Variants in TCF12 observed in about 807,000 individuals in gnomAD.
TCF12 encodes DNA-binding protein HTF4.
In TCF12, 45 loss-of-function variants were observed where a neutral mutation model predicts 86.0. The ratio of observed to expected loss-of-function variants is 0.52; its 90% CI spans 0.41 to 0.67. TCF12 has a LOEUF of 0.67. TCF12 is among the 30% of genes least tolerant of loss of function. The probability of loss-of-function intolerance (pLI) is 0.00; values close to 1 mark genes in which losing one functional copy is unlikely to be tolerated. For synonymous variants in TCF12, 330 were observed against 299.6 expected (o/e 1.10, Z -1.05); for missense variants, 881 against 859.9 (o/e 1.02, Z -0.31).
chr15:56,966,989 G>A (rs1229818319), intron 3 of TCF12, among the ~76,000 whole-genome samples: 1 of 152,094 alleles, frequency 6.6e-6, no homozygotes, highest in Non-Finnish European at 1.5e-5. Context: ...AGGCATGGTG[G>A]CAGGTGCTTG....
intron 3 of TCF12, among the ~76,000 whole-genome samples, chr15:56,933,150 C>T (rs1186215921): frequency 6.6e-6 from 1 of 151,988 alleles, no homozygotes; most frequent in Non-Finnish European, 1.5e-5. Context: ...ATTATTTCCC[C>T]TTTTTCAAAG....
intron 3 of TCF12, among the ~76,000 whole-genome samples, chr15:56,930,286 G>C (rs2060190580): frequency 6.6e-6 from 1 of 152,202 alleles, no homozygotes; most frequent in African/African-American, 2.4e-5. Context: ...TGTACCTTTG[G>C]AGTGTAAAAA....
At chr15:57,223,653 T>TTTGGTTTTTTTTTG (rs1555400237) in intron 8 of TCF12, among the ~76,000 whole-genome samples, 1 of 135,294 alleles carries the variant, frequency 7.4e-6, no homozygotes, top group Non-Finnish European at 1.6e-5. Flanking sequence ...GTTTTTTTTT[T>TTTGGTTTTTTTTTG]TTTTTTTTTT....
intron 5 of TCF12, among the ~76,000 whole-genome samples, chr15:57,097,904 C>A (rs537944822): frequency 6.6e-6 from 1 of 151,692 alleles, no homozygotes; most frequent in South Asian, 2.1e-4. Flanking sequence ...CCCTGTAATC[C>A]CAGCACTTTG....
rs533698351 is a variant in TCF12 at position 57,103,451 on chromosome 15, C to T, written c.325+11560C>T. 4.6e-5 allele frequency among the ~76,000 whole-genome samples: 7 copies of T among 152,298 alleles called. No homozygotes were observed. In the South Asian group the frequency reaches 1.2e-3, roughly 27 times the overall value. Reference sequence around the variant, plus strand: ...AAACATTAGCCAGATGCAGTGGCACCTGCTGTAGTCCCAGCTACTTTCCAC... The same window carrying T: ...AAACATTAGCCAGATGCAGTGGCACTTGCTGTAGTCCCAGCTACTTTCCAC... On this transcript the variant is annotated intron_variant, in intron 5 of 20. Coordinates refer to ENST00000333725, the MANE Select transcript of TCF12 (RefSeq NM_207037.2).
Position 57,100,781 on chromosome 15 carries a change from G to A in TCF12, c.325+8890G>A, listed in dbSNP as rs538976579. ...CCTCTTTCAAAGTGAAGAATTAGCAGTAGCTTGATTAGTGGTCATGGTATT... is the reference window on the plus strand; with the variant it reads ...CCTCTTTCAAAGTGAAGAATTAGCAATAGCTTGATTAGTGGTCATGGTATT... On this transcript the variant is annotated intron_variant, in intron 5 of 20. Transcript: ENST00000333725. Among the ~76,000 whole-genome samples the A allele has an allele frequency of 7.9e-5, 12 of 152,258 alleles. No homozygotes were observed. In the East Asian group the frequency reaches 1.5e-3, roughly 20 times the overall value.
intron 8 of TCF12, among the ~76,000 whole-genome samples, chr15:57,210,966 T>G (rs7182188): frequency 0.18 from 27,780 of 152,170 alleles, 3,110 homozygotes; most frequent in Non-Finnish European, 0.24. Flanking sequence ...CTCAGCCCAC[T>G]TACTTAAGAT....
At chr15:57,248,984 A>G (rs1310083010) in intron 13 of TCF12, among the ~76,000 whole-genome samples, 1 of 152,230 alleles carries the variant, frequency 6.6e-6, no homozygotes, top group Non-Finnish European at 1.5e-5. Flanking sequence ...AAAGTCAGTA[A>G]TTTGATGATC....
At chr15:57,192,433 T>C (rs1950145737) in intron 7 of TCF12, 140 bp downstream of exon 7, 1 of 1,201,830 alleles carries the variant, frequency 8.3e-7, no homozygotes, top group Non-Finnish European at 1.1e-6. Flanking sequence ...CTGTTACCCA[T>C]GCAGGAATGC....
In TCF12 at chr15:57,091,939, C is replaced by G. The variant is rs1228290419; in HGVS notation, c.325+48C>G. On this transcript the variant is annotated intron_variant, in intron 5 of 20. Coordinates refer to ENST00000333725, the MANE Select transcript of TCF12 (RefSeq NM_207037.2). ...GTAGTCTTCTCAAAGCTTCTTTGGTCAGAGACATTTTTTATCCCTTTGTCC... is the reference window on the plus strand; with the variant it reads ...GTAGTCTTCTCAAAGCTTCTTTGGTGAGAGACATTTTTTATCCCTTTGTCC... The G allele has an allele frequency of 4.0e-6, 6 of 1,515,062 alleles. No individual in the cohort carries two copies. In the South Asian group the frequency reaches 5.7e-5, roughly 14 times the overall value. The allele number at this position is 1,515,062 out of a possible 1,614,324, so 93.9% of individuals were successfully genotyped here.
chr15:56,970,351 G>A lies in TCF12; in HGVS notation c.148+49253G>A, dbSNP rs141606036. 5.5e-3 allele frequency among the ~76,000 whole-genome samples: 830 copies of A among 151,634 alleles called. 5 individuals are homozygous for A. The highest frequency in any genetic ancestry group is 0.01 in the South Asian group (49 of 4,800). On this transcript the variant is annotated intron_variant, in intron 3 of 20. Coordinates refer to ENST00000333725, the MANE Select transcript of TCF12 (RefSeq NM_207037.2). ...AAAAATTAGCTGGGCATGGTGGCGC[G>A]CACCTGTAGTCCCAGCTACTCGGGA...
intron 13 of TCF12, among the ~76,000 whole-genome samples, chr15:57,250,275 A>G (rs970268176): frequency 1.3e-5 from 2 of 152,160 alleles, no homozygotes; most frequent in African/African-American, 4.8e-5. Flanking sequence ...CCTTACGTTA[A>G]TATATTTATA....
intron 6 of TCF12, among the ~76,000 whole-genome samples, chr15:57,186,708 A>G (rs1295076383): frequency 3.9e-5 from 6 of 152,232 alleles, no homozygotes; most frequent in Non-Finnish European, 8.8e-5. Flanking sequence ...AGTCCTCTAC[A>G]AAAATACTAG....
chr15:57,106,216 A>G (rs1216284113), intron 5 of TCF12, among the ~76,000 whole-genome samples: 3 of 152,236 alleles, frequency 2.0e-5, no homozygotes, highest in African/African-American at 7.2e-5. Context: ...TGGAACAGAA[A>G]AATTACATAG....
chr15:57,189,591 T>C (rs1192858983), intron 6 of TCF12, among the ~76,000 whole-genome samples: 1 of 152,120 alleles, frequency 6.6e-6, no homozygotes, highest in Non-Finnish European at 1.5e-5. Flanking sequence ...AAACAGAAAC[T>C]AGGCAAGGAT....
intron 6 of TCF12, among the ~76,000 whole-genome samples, chr15:57,189,081 G>A (rs1597178778): frequency 1.3e-5 from 2 of 152,178 alleles, no homozygotes; most frequent in South Asian, 4.1e-4. Context: ...GAGCTGCCAC[G>A]CCTAGCCTAC....
chr15:56,950,487 A>G (rs971033169), intron 3 of TCF12, among the ~76,000 whole-genome samples: 1 of 152,052 alleles, frequency 6.6e-6, no homozygotes, highest in Non-Finnish European at 1.5e-5. Context: ...TGGCCTCCCA[A>G]AGTGCTGGGA....
intron 3 of TCF12, among the ~76,000 whole-genome samples, chr15:57,047,120 C>T (rs187094736): frequency 1.3e-5 from 2 of 152,310 alleles, no homozygotes; most frequent in Non-Finnish European, 2.9e-5. Flanking sequence ...TAAATTCATA[C>T]TTAAGGAAAT....
At chr15:57,148,353 G>A (rs2053511888) in intron 5 of TCF12, among the ~76,000 whole-genome samples, 3 of 150,852 alleles carry the variant, frequency 2.0e-5, no homozygotes, top group Non-Finnish European at 1.5e-5. Flanking sequence ...TTGGAGGCTG[G>A]AATGAGCTAT....
Sources: gnomAD v4.1 joint callset for allele counts (sites outside exome capture counted in the v4.1 genomes callset) on GRCh38, gnomAD v4.1.1 for gene constraint, MANE v1.5 for transcripts, NCBI Gene and HGNC (gene_info 2026-07-23, HGNC 2026-07-21) for gene names.